The following PSG9 variants were observed in gnomAD, a reference collection of about 807,000 sequenced individuals.
PSG9 encodes the protein pregnancy specific beta-1-glycoprotein 9, also known as pregnancy-specific beta-1-glycoprotein 9.
Under a neutral mutation model 41.9 loss-of-function variants are expected in PSG9, and 49 were observed. That is an observed-to-expected ratio of 1.17 (90% CI 0.93 to 1.48). The LOEUF is 1.48. PSG9 is among the 40% of genes most tolerant of loss of function. The pLI, the probability that PSG9 is intolerant of heterozygous loss-of-function variation, is 0.00. For missense variants in PSG9, 641 were observed against 520.3 expected (o/e 1.23, Z -2.26); for synonymous variants, 263 against 196.8 (o/e 1.34, Z -2.82).
At chr19:43,264,140 G>A (rs1968855459) in intron 2 of PSG9, among the ~76,000 whole-genome samples, 1 of 151,958 alleles carries the variant, frequency 6.6e-6, no homozygotes, top group Admixed American at 6.6e-5. Flanking sequence ...AGTTGTATGA[G>A]ACACAGGCAG....
In PSG9 at chr19:43,254,384, G is replaced by A. The variant is rs1017473207; in HGVS notation, c.1244-738C>T. ...TAATATAGCAGCTGACATTGGTTCCGCTGTGTGTGGCATATTGTTTCATTG... is the reference window on the plus strand; with the variant it reads ...TAATATAGCAGCTGACATTGGTTCCACTGTGTGTGGCATATTGTTTCATTG... On this transcript the variant is annotated intron_variant, in intron 5 of 5. Coordinates refer to ENST00000270077, the MANE Select transcript of PSG9 (RefSeq NM_002784.5). 7.5e-5 allele frequency among the ~76,000 whole-genome samples: 11 copies of A among 146,400 alleles called. 2 individuals are homozygous for A. The highest frequency in any genetic ancestry group is 2.2e-4 in the South Asian group (1 of 4,638).
At chr19:43,259,716 C>G (rs1361474111) in intron 3 of PSG9, 1 of 151,142 alleles carries the variant, frequency 6.6e-6, no homozygotes, top group Admixed American at 6.3e-5. Flanking sequence ...GCAGTGGAGG[C>G]TCAAGGTGGG....
intron 3 of PSG9, among the ~76,000 whole-genome samples, chr19:43,261,599 C>A (rs1428634547): frequency 1.3e-5 from 2 of 152,188 alleles, no homozygotes; most frequent in Non-Finnish European, 1.5e-5. Flanking sequence ...GTTCACTGAT[C>A]TGGAGCCTGA....
chr19:43,268,627 C>T (rs759080607), intron 1 of PSG9, among the ~76,000 whole-genome samples: 3 of 152,296 alleles, frequency 2.0e-5, no homozygotes, highest in Admixed American at 6.5e-5. Context: ...CCCATGACAG[C>T]GTGAGCTCCG....
At chr19:43,254,126 A>G (rs183619003) in intron 5 of PSG9, among the ~76,000 whole-genome samples, 7 of 145,690 alleles carry the variant, frequency 4.8e-5, no homozygotes, top group Admixed American at 4.8e-4. Flanking sequence ...GGAAAAAGGT[A>G]GGTACTGTTG....
chr19:43,262,183 A>T, intron 2 of PSG9, 45 bp from the exon 3 acceptor site: 1 of 1,586,066 alleles, frequency 6.3e-7, no homozygotes, highest in African/African-American at 1.3e-5. Context: ...GGCACCTTTG[A>T]TTCCTCCAAA....
intron 2 of PSG9, among the ~76,000 whole-genome samples, chr19:43,267,099 T>C (rs1322131692): frequency 6.6e-6 from 1 of 152,164 alleles, no homozygotes; most frequent in Non-Finnish European, 1.5e-5. Context: ...TTTCTGCTTC[T>C]GGGGACATTA....
intron 5 of PSG9, among the ~76,000 whole-genome samples, chr19:43,254,131 C>T (rs1023163079): frequency 6.9e-6 from 1 of 145,380 alleles, no homozygotes; most frequent in African/African-American, 2.6e-5. Context: ...AAGGTAGGTA[C>T]TGTTGAGGTG....
At position 43,267,821 on chromosome 19, in the gene PSG9, A is replaced by C; in HGVS notation, c.393T>G (p.Thr131=). The change falls in exon 2 of 6, where the codon ACT becomes ACG. Residue 131 remains threonine (T), a synonymous_variant. Coordinates refer to ENST00000270077, the MANE Select transcript of PSG9 (RefSeq NM_002784.5). ...AGGTGAAATGTCGAATTTCTTCTCTAGTCTCATCACCTCGCTTTATGATGT... is the reference window on the plus strand; with the variant it reads ...AGGTGAAATGTCGAATTTCTTCTCTCGTCTCATCACCTCGCTTTATGATGT... ...TLHIIKRGDE[T]REEIRHFTFT... The C allele has an allele frequency of 6.2e-7, 1 of 1,613,414 alleles. No homozygotes were observed. Among genetic ancestry groups the C allele is most frequent in the Non-Finnish European group, 8.5e-7 (1 of 1,179,586 alleles).
At chr19:43,254,445 A>T (rs1427227802) in intron 5 of PSG9, among the ~76,000 whole-genome samples, 1 of 146,530 alleles carries the variant, frequency 6.8e-6, no homozygotes, top group Non-Finnish European at 1.5e-5. Flanking sequence ...GTAAGAAGAA[A>T]GTACTCTCAT....
At position 43,261,875 on chromosome 19, in the gene PSG9, TGACTGGGTCACTGC is replaced by T. The variant is rs758766119; in HGVS notation, c.680_693del (p.Arg227HisfsTer24). 1.9e-6 allele frequency: 3 copies of T among 1,613,960 alleles called. No individual in the cohort carries two copies. Among genetic ancestry groups the T allele is most frequent in the Non-Finnish European group, 2.5e-6 (3 of 1,179,916 alleles). On this transcript the variant is annotated frameshift_variant, in exon 3 of 6. Transcript: ENST00000270077. LOFTEE classifies it high-confidence loss of function. ...AGATACTCACGGAGGAGATTCAGGG[TGACTGGGTCACTGC>T]GACTGGCACTCACTGGGTTCCGTAT...
At chr19:43,261,478 A>C (rs1372360179) in intron 3 of PSG9, among the ~76,000 whole-genome samples, 1 of 152,134 alleles carries the variant, frequency 6.6e-6, no homozygotes, top group Non-Finnish European at 1.5e-5. Flanking sequence ...AAAGAGAATA[A>C]TGTCACAAGC....
At chr19:43,262,758 G>C (rs997615648) in intron 2 of PSG9, among the ~76,000 whole-genome samples, 1 of 152,104 alleles carries the variant, frequency 6.6e-6, no homozygotes, top group African/African-American at 2.4e-5. Context: ...GTCTCATAGT[G>C]ACTGACTTGA....
chr19:43,268,022 G>T lies in PSG9; in HGVS notation c.192C>A (p.Gly64=). The change falls in exon 2 of 6, where the codon GGC becomes GGA. Residue 64 remains glycine (G), a synonymous_variant. Transcript: ENST00000270077. ...LVHNLPQNLP[G]YFWYKGEMTD... The stretch of plus-strand genomic sequence containing the variant: ...TCATTTCCCCTTTGTACCAGAAGTA[G>T]CCAGGAAGATTCTGGGGCAAATTGT... 14 of 1,613,886 alleles carry T rather than the reference G, an allele frequency of 8.7e-6. No individual in the cohort carries two copies. Among genetic ancestry groups the T allele is most frequent in the Non-Finnish European group, 1.2e-5 (14 of 1,179,930 alleles).
At chr19:43,257,717 G>C (rs190851685) in intron 5 of PSG9, 3 of 1,149,004 alleles carry the variant, frequency 2.6e-6, no homozygotes, top group East Asian at 6.5e-5. Flanking sequence ...AGAGGAGCCC[G>C]GAGCAGAGCA....
At position 43,258,854 on chromosome 19, in the gene PSG9, C is replaced by G; in HGVS notation, c.988+3G>C. On this transcript the variant is annotated splice_donor_region_variant and intron_variant, in intron 4 of 5. Transcript: ENST00000270077. The stretch of plus-strand genomic sequence containing the variant: ...GGCCCACAGAGGAACAAAAGATACT[C>G]ACAGAGGACATTTAGGATGACTGGG... 6.3e-7 allele frequency: 1 copy of G among 1,585,756 alleles called. No homozygotes were observed. The highest frequency in any genetic ancestry group is 8.5e-7 in the Non-Finnish European group (1 of 1,171,908).
intron 1 of PSG9, among the ~76,000 whole-genome samples, chr19:43,268,442 C>G (rs1048125354): frequency 1.3e-5 from 2 of 152,164 alleles, no homozygotes; most frequent in African/African-American, 4.8e-5. Context: ...ACACGGCCCC[C>G]TCCACACTGC....
Position 43,267,877 on chromosome 19 carries a change from T to C in PSG9, c.337A>G (p.Thr113Ala). Residue 113 changes from threonine (T) to alanine (A), a missense_variant, in exon 2 of 6, where the codon ACC becomes GCC. By Grantham distance (58) the Thr-to-Ala change is moderately conservative. Coordinates refer to ENST00000270077, the MANE Select transcript of PSG9 (RefSeq NM_002784.5). ...GTGTAGGTTCCTGCATCCTTCCGGGTGACATTCTGGATCAGCAGGGATGCG... is the reference window on the plus strand; with the variant it reads ...GTGTAGGTTCCTGCATCCTTCCGGGCGACATTCTGGATCAGCAGGGATGCG... ...SNASLLIQNV[T>A]RKDAGTYTLH... 6.2e-7 allele frequency: 1 copy of C among 1,613,816 alleles called. No homozygotes were observed. The highest frequency in any genetic ancestry group is 8.5e-7 in the Non-Finnish European group (1 of 1,179,778).
intron 5 of PSG9, among the ~76,000 whole-genome samples, chr19:43,256,580 A>G (rs1214398466): frequency 1.4e-5 from 2 of 146,824 alleles, no homozygotes; most frequent in Admixed American, 6.8e-5. Flanking sequence ...CAATAAGCCC[A>G]TGCAAAGTTC....
Sources: gnomAD v4.1 joint callset for allele counts (sites outside exome capture counted in the v4.1 genomes callset) on GRCh38, gnomAD v4.1.1 for gene constraint, MANE v1.5 for transcripts, NCBI Gene and HGNC (gene_info 2026-07-23, HGNC 2026-07-21) for gene names.